MLH3: variants seen among roughly 807,000 people sequenced by gnomAD.
MLH3 encodes DNA mismatch repair protein Mlh3.
MLH3 carries 82 observed loss-of-function variants against 122.2 expected under a neutral mutation model. That is an observed-to-expected ratio of 0.67 (90% CI 0.56 to 0.81). The LOEUF is 0.81. MLH3 is among the 30% of genes least tolerant of loss of function. The pLI, the probability that MLH3 is intolerant of heterozygous loss-of-function variation, is 0.00. For missense variants in MLH3, 1,539 were observed against 1,714.5 expected (o/e 0.90, Z 1.81); for synonymous variants, 524 against 599.5 (o/e 0.87, Z 1.84).
In MLH3 at chr14:75,017,058, C is replaced by G; in HGVS notation, c.*24G>C. The G allele has an allele frequency of 6.2e-7, 1 of 1,612,572 alleles. No individual in the cohort carries two copies. The highest frequency in any genetic ancestry group is 8.5e-7 in the Non-Finnish European group (1 of 1,179,076). ...GGCATACAGTGAACATCCCTTTGTT[C>G]CTTTTAGACCAGTGATTCTGTTCTC... On this transcript the variant is annotated 3_prime_UTR_variant, in exon 13 of 13. Coordinates refer to ENST00000355774, the MANE Select transcript of MLH3 (RefSeq NM_001040108.2).
Position 75,047,366 on chromosome 14 carries a change from C to G in MLH3, c.2290G>C (p.Val764Leu), listed in dbSNP as rs550905066. The change falls in exon 2 of 13, where the codon GTT becomes CTT. Residue 764 changes from valine to leucine, a missense_variant. Coordinates refer to ENST00000355774, the MANE Select transcript of MLH3 (RefSeq NM_001040108.2). The part of the protein sequence containing the change: ...LEKFKRQYGK[V>L]ENPLDTEVEE... ...ACTTCTGTATCCAGAGGATTTTCAACCTTCCCATATTGCCTCTTAAACTTC... is the reference window on the plus strand; with the variant it reads ...ACTTCTGTATCCAGAGGATTTTCAAGCTTCCCATATTGCCTCTTAAACTTC... The G allele has an allele frequency of 1.2e-6, 2 of 1,614,116 alleles. No homozygotes were observed. The highest frequency in any genetic ancestry group is 2.7e-5 in the African/African-American group (2 of 75,046).
intron 10 of MLH3, 27 bp from the exon 11 acceptor site, chr14:75,022,919 G>A: frequency 6.2e-7 from 1 of 1,613,798 alleles, no homozygotes; most frequent in East Asian, 2.2e-5. Context: ...TTATTAACAG[G>A]AAAAGAAAAC....
chr14:75,040,328 T>C (rs1188029645), intron 4 of MLH3, among the ~76,000 whole-genome samples: 1 of 151,546 alleles, frequency 6.6e-6, no homozygotes, highest in African/African-American at 2.4e-5. Flanking sequence ...CAGGCGCCTT[T>C]AGTCCCAGCT....
At chr14:75,019,094 A>G (rs1890094768) in intron 11 of MLH3, 114 bp from the exon 12 acceptor site, 2 of 975,704 alleles carry the variant, frequency 2.0e-6, no homozygotes, top group Non-Finnish European at 3.1e-6. Flanking sequence ...GGCTTCTTTA[A>G]TGAAGCTTTA....
chr14:75,047,699 G>A lies in MLH3; in HGVS notation c.1957C>T (p.Pro653Ser). Reference sequence around the variant, plus strand: ...GTGCTGGCTAAATCTTTGATGTCTGGAGTTTCAACTGAATGACGTGTTCTA... The same window carrying A: ...GTGCTGGCTAAATCTTTGATGTCTGAAGTTTCAACTGAATGACGTGTTCTA... ...GNRTRHSVET[P>S]DIKDLASTLS... Residue 653 changes from proline (P) to serine (S), a missense_variant, in exon 2 of 13, where the codon CCA (proline) becomes TCA (serine). By Grantham distance (74) the Pro-to-Ser change is moderately conservative. Transcript: ENST00000355774. The A allele has an allele frequency of 6.2e-7, 1 of 1,614,072 alleles. No individual in the cohort carries two copies. Among genetic ancestry groups the A allele is most frequent in the South Asian group, 1.1e-5 (1 of 91,064 alleles).
chr14:75,039,875 ATATATATT>A, intron 5 of MLH3, 28 bp downstream of exon 5: 1 of 401,956 alleles, frequency 2.5e-6, no homozygotes, highest in Non-Finnish European at 4.5e-6. Flanking sequence ...ATATATATAT[ATATATATT>A]TATGAGATTT....
chr14:75,039,890 A>G, intron 5 of MLH3, 21 bp downstream of exon 5: 3 of 697,478 alleles, frequency 4.3e-6, no homozygotes, highest in South Asian at 1.5e-5. Context: ...TATTTATGAG[A>G]TTTTGAAGTT....
intron 1 of MLH3, among the ~76,000 whole-genome samples, chr14:75,050,126 C>A (rs1892564610): frequency 6.6e-6 from 1 of 152,160 alleles, no homozygotes; most frequent in Non-Finnish European, 1.5e-5. Flanking sequence ...TTATACATTA[C>A]ACAATAACCA....
chr14:75,042,768 G>A (rs1218718182), intron 2 of MLH3, among the ~76,000 whole-genome samples: 1 of 151,002 alleles, frequency 6.6e-6, no homozygotes, highest in African/African-American at 2.4e-5. Context: ...CATTGGCAAT[G>A]TCTTGAGACC....
rs547792935 is a variant in MLH3 at position 75,048,976 on chromosome 14, C to T, written c.680G>A (p.Ser227Asn). ...LGKSQKLREI[S>N]FKYKEFELSG... ...AAGCTCAAACTCTTTATATTTAAAA[C>T]TTATTTCTCTTAGCTTTTGGGACTT... Residue 227 changes from serine to asparagine, a missense_variant, in exon 2 of 13, where the codon AGT becomes AAT. Ser to Asn is a conservative substitution (Grantham distance 46, BLOSUM62 1). Coordinates refer to ENST00000355774, the MANE Select transcript of MLH3 (RefSeq NM_001040108.2). 6 of 1,613,680 alleles carry T rather than the reference C, an allele frequency of 3.7e-6. No individual in the cohort carries two copies. In the Admixed American group the frequency reaches 6.7e-5, roughly 18 times the overall value.
At chr14:75,051,267 G>A (rs1892645859) in intron 1 of MLH3, 113 bp downstream of exon 1, 1 of 152,306 alleles carries the variant, frequency 6.6e-6, no homozygotes, top group South Asian at 2.1e-4. Context: ...CCGGGCCTCC[G>A]GGGCCCTCGC....
intron 12 of MLH3, 138 bp downstream of exon 12, chr14:75,018,691 G>T: frequency 3.2e-6 from 3 of 934,876 alleles, no homozygotes; most frequent in South Asian, 1.4e-5. Flanking sequence ...GAGGCTTTAT[G>T]TGAAACTTCC....
chr14:75,032,891 T>C (rs77765490), intron 7 of MLH3, among the ~76,000 whole-genome samples: 77 of 149,254 alleles, frequency 5.2e-4, no homozygotes, highest in African/African-American at 1.7e-3. Flanking sequence ...AAACCAGAGA[T>C]ATTGGTTGTC....
intron 5 of MLH3, 65 bp downstream of exon 5, chr14:75,039,846 C>CTTATATATATATATAT (rs1491242181): frequency 3.5e-5 from 9 of 259,834 alleles, no homozygotes; most frequent in African/African-American, 3.3e-4. Flanking sequence ...AGAGTTAGGC[C>CTTATATATATATATAT]ATATATATAT....
chr14:75,042,249 G>C, intron 3 of MLH3, 130 bp downstream of exon 3: 1 of 802,738 alleles, frequency 1.2e-6, no homozygotes, highest in Admixed American at 1.8e-5. Context: ...TGTTAAACAG[G>C]GCCGTGGGGA....
chr14:75,033,157 C>T (rs1324434563), intron 7 of MLH3, among the ~76,000 whole-genome samples: 1 of 152,066 alleles, frequency 6.6e-6, no homozygotes, highest in Non-Finnish European at 1.5e-5. Context: ...GAGTAAGCAG[C>T]CTATCCTTGC....
intron 7 of MLH3, among the ~76,000 whole-genome samples, chr14:75,032,987 CT>C (rs1199126943): frequency 6.6e-6 from 1 of 151,130 alleles, no homozygotes; most frequent in East Asian, 2.0e-4. Flanking sequence ...AGAATTGGAT[CT>C]ATTTGATTAT....
chr14:75,026,350 TTGAAATAAAAAATTTAGTCAC>T (rs2139351498), intron 9 of MLH3, among the ~76,000 whole-genome samples: 1 of 152,208 alleles, frequency 6.6e-6, no homozygotes, highest in Admixed American at 6.5e-5. Flanking sequence ...AATATAGCCA[TTGAAATAAAAAATTTAGTCAC>T]TGAAATAAAA....
Position 75,047,094 on chromosome 14 carries a change from C to T in MLH3, c.2562G>A (p.Lys854=), listed in dbSNP as rs778046851. ...PSLRESPMTL[K]ELSLFNRKPL... ...GTTTTCTATTAAAGAGAGATAACTCCTTCAGGGTCATAGGACTTTCTCTCA... is the reference window on the plus strand; with the variant it reads ...GTTTTCTATTAAAGAGAGATAACTCTTTCAGGGTCATAGGACTTTCTCTCA... The change falls in exon 2 of 13, where the codon AAG becomes AAA. Residue 854 remains lysine, a synonymous_variant. Coordinates refer to ENST00000355774, the MANE Select transcript of MLH3 (RefSeq NM_001040108.2). 6 of 1,613,994 alleles carry T rather than the reference C, an allele frequency of 3.7e-6. No homozygotes were observed. The East Asian group carries it at 6.7e-5, about 18-fold the overall frequency.
Sources: gnomAD v4.1 joint callset for allele counts (sites outside exome capture counted in the v4.1 genomes callset) on GRCh38, gnomAD v4.1.1 for gene constraint, MANE v1.5 for transcripts, NCBI Gene and HGNC (gene_info 2026-07-23, HGNC 2026-07-21) for gene names.